The following C12orf50 variants were observed in gnomAD, a reference collection of about 807,000 sequenced individuals.
The protein encoded by C12orf50 is zinc finger CCCH-type containing 11D, also known as uncharacterized protein C12orf50.
C12orf50 carries 35 observed loss-of-function variants against 61.6 expected under a neutral mutation model. The ratio of observed to expected loss-of-function variants is 0.57; its 90% CI spans 0.43 to 0.75. The LOEUF (loss-of-function observed/expected upper bound fraction) is 0.75, where lower values mean the gene tolerates loss of function less well. Ranked by LOEUF, C12orf50 falls within the 30% of genes least tolerant of loss-of-function variation. The pLI, the probability that C12orf50 is intolerant of heterozygous loss-of-function variation, is 0.00. For synonymous variants in C12orf50, 178 were observed against 161.5 expected (o/e 1.10, Z -0.77); for missense variants, 475 against 488.5 (o/e 0.97, Z 0.26).
intron 3 of C12orf50, among the ~76,000 whole-genome samples, chr12:88,010,151 C>G (rs2032041678): frequency 6.6e-6 from 1 of 151,998 alleles, no homozygotes; most frequent in Non-Finnish European, 1.5e-5. Context: ...AGGTCTGTTT[C>G]CATCTACTCT....
In C12orf50 at chr12:87,980,210, G is replaced by A; in HGVS notation, c.*121C>T. The A allele has an allele frequency of 1.1e-6, 1 of 944,444 alleles. No individual in the cohort carries two copies. The highest frequency in any genetic ancestry group is 1.6e-6 in the Non-Finnish European group (1 of 607,158). The allele number at this position is 944,444 out of a possible 1,614,324, so 58.5% of individuals were successfully genotyped here. A position where few individuals can be genotyped will look rare whatever the true frequency, so the allele number is the denominator to read the frequency against. On this transcript the variant is annotated 3_prime_UTR_variant, in exon 13 of 13. Coordinates refer to ENST00000298699, the MANE Select transcript of C12orf50 (RefSeq NM_152589.3). ...CAGAATTTGCATTTTTATCATCTTT[G>A]GCTATCCACTACATAACATGGAGTA... is the stretch of plus-strand genomic sequence containing the variant.
At position 87,980,361 on chromosome 12, in the gene C12orf50, T is replaced by C; in HGVS notation, c.1220-5A>G. 1 of 1,604,990 alleles carries C rather than the reference T, an allele frequency of 6.2e-7. No individual in the cohort carries two copies. Among genetic ancestry groups the C allele is most frequent in the Non-Finnish European group, 8.5e-7 (1 of 1,172,874 alleles). On this transcript the variant is annotated splice_region_variant and splice_polypyrimidine_tract_variant and intron_variant, in intron 12 of 12. Coordinates refer to ENST00000298699, the MANE Select transcript of C12orf50 (RefSeq NM_152589.3). ...TGCTCCCATTTCTTCTTGGCTCTAATAATAAAATACACAAAATATTTCAAT... is the reference window on the plus strand; with the variant it reads ...TGCTCCCATTTCTTCTTGGCTCTAACAATAAAATACACAAAATATTTCAAT...
At chr12:87,997,975 T>C (rs1483328099) in intron 4 of C12orf50, 60 bp downstream of exon 4, 5 of 1,371,002 alleles carry the variant, frequency 3.6e-6, no homozygotes, top group Non-Finnish European at 5.0e-6. Context: ...GTTAAACACA[T>C]ATGTAAAAAA....
chr12:87,981,932 G>A (rs2030497261), intron 12 of C12orf50, among the ~76,000 whole-genome samples: 1 of 152,092 alleles, frequency 6.6e-6, no homozygotes, highest in South Asian at 2.1e-4. Context: ...ATACCTCTAT[G>A]CATTGATTCA....
chr12:87,986,213 C>T (rs889116181), intron 10 of C12orf50, 99 bp downstream of exon 10: 25 of 1,217,324 alleles, frequency 2.1e-5, no homozygotes, highest in South Asian at 3.0e-5. Flanking sequence ...GTAACATTTA[C>T]GTCACATGAC....
chr12:87,989,372 C>T lies in C12orf50; in HGVS notation c.593-1G>A, dbSNP rs1655042345. On this transcript the variant is annotated splice_acceptor_variant, in intron 7 of 12. Coordinates refer to ENST00000298699, the MANE Select transcript of C12orf50 (RefSeq NM_152589.3). LOFTEE classifies it high-confidence loss of function. ...CTCTGTGGAACATAACAGTCACCTCCTATGACAAAACCTTACTGTCAGTGG... is the reference window on the plus strand; with the variant it reads ...CTCTGTGGAACATAACAGTCACCTCTTATGACAAAACCTTACTGTCAGTGG... 6.2e-7 allele frequency: 1 copy of T among 1,607,192 alleles called. No individual in the cohort carries two copies. The highest frequency in any genetic ancestry group is 8.5e-7 in the Non-Finnish European group (1 of 1,175,094).
At chr12:87,986,119 T>C in intron 10 of C12orf50, 66 bp from the exon 11 acceptor site, 1 of 1,511,248 alleles carries the variant, frequency 6.6e-7, no homozygotes, top group Non-Finnish European at 9.2e-7. Context: ...AAATAACATA[T>C]TGCACTGCAA....
At chr12:88,005,298 T>G (rs1377099743) in intron 3 of C12orf50, among the ~76,000 whole-genome samples, 1 of 152,216 alleles carries the variant, frequency 6.6e-6, no homozygotes, top group African/African-American at 2.4e-5. Flanking sequence ...AAAATTTATT[T>G]TCTCCCACAA....
chr12:88,026,875 GT>G lies in C12orf50; in HGVS notation c.12+75del. 4.6e-6 allele frequency: 7 copies of G among 1,536,928 alleles called. No individual in the cohort carries two copies. In the South Asian group the frequency reaches 7.6e-5, roughly 17 times the overall value. Reference sequence around the variant, plus strand: ...AAGGAAGAATGATTTCTTCCATATTGTTTTGAAAAAGTATAATTCAGCATTA... The same window carrying G: ...AAGGAAGAATGATTTCTTCCATATTGTTTGAAAAAGTATAATTCAGCATTA... On this transcript the variant is annotated intron_variant, in intron 2 of 12. Coordinates refer to ENST00000298699, the MANE Select transcript of C12orf50 (RefSeq NM_152589.3).
intron 8 of C12orf50, 126 bp from the exon 9 acceptor site, chr12:87,988,092 G>T (rs1287846365): frequency 4.5e-6 from 2 of 445,834 alleles, no homozygotes; most frequent in Admixed American, 8.3e-5. Context: ...ATATATTTAT[G>T]AATTGAGAGA....
chr12:87,990,772 T>A (rs2031082526), intron 7 of C12orf50, among the ~76,000 whole-genome samples: 1 of 152,104 alleles, frequency 6.6e-6, no homozygotes, highest in Non-Finnish European at 1.5e-5. Context: ...ACTATCTAAT[T>A]GGTTTGAAAT....
chr12:87,987,081 C>T (rs2030864448), intron 9 of C12orf50, among the ~76,000 whole-genome samples: 1 of 152,116 alleles, frequency 6.6e-6, no homozygotes, highest in South Asian at 2.1e-4. Flanking sequence ...GTGCAAGGCT[C>T]CTGAAAATTC....
At chr12:88,002,879 T>C (rs1380803343) in intron 3 of C12orf50, among the ~76,000 whole-genome samples, 1 of 151,780 alleles carries the variant, frequency 6.6e-6, no homozygotes, top group Non-Finnish European at 1.5e-5. Context: ...ATATGCTTCT[T>C]AACATCAGAA....
At chr12:87,989,812 A>G (rs2031033913) in intron 7 of C12orf50, among the ~76,000 whole-genome samples, 1 of 152,102 alleles carries the variant, frequency 6.6e-6, no homozygotes, top group Non-Finnish European at 1.5e-5. Flanking sequence ...TCTTCACCAT[A>G]CATTACCTTT....
chr12:88,027,797 G>A (rs2136510850), intron 1 of C12orf50: 1 of 152,232 alleles, frequency 6.6e-6, no homozygotes, highest in Middle Eastern at 3.4e-3. Flanking sequence ...TGTTGTGTGG[G>A]AAGAGAGGTG....
intron 7 of C12orf50, among the ~76,000 whole-genome samples, chr12:87,991,898 T>G (rs768818462): frequency 2.8e-4 from 42 of 152,188 alleles, no homozygotes; most frequent in Non-Finnish European, 4.0e-4. Context: ...CATGCATTGT[T>G]TTTATGTTTG....
intron 9 of C12orf50, 22 bp downstream of exon 9, chr12:87,987,828 A>G (rs760748752): frequency 1.2e-4 from 181 of 1,464,518 alleles, no homozygotes; most frequent in Non-Finnish European, 1.6e-4. Context: ...GAGGCCAAAA[A>G]GTGATAGAGC....
intron 1 of C12orf50, among the ~76,000 whole-genome samples, chr12:88,028,504 C>A (rs1447503564): frequency 6.6e-6 from 1 of 152,052 alleles, no homozygotes; most frequent in Non-Finnish European, 1.5e-5. Flanking sequence ...TCCCATTTAA[C>A]TTTATAAAGT....
intron 3 of C12orf50, among the ~76,000 whole-genome samples, chr12:88,021,033 C>A (rs1365069614): frequency 6.6e-6 from 1 of 152,026 alleles, no homozygotes; most frequent in Non-Finnish European, 1.5e-5. Context: ...ATACAGCTAA[C>A]TCAGTATTAA....
Sources: allele counts gnomAD v4.1 joint callset (sites outside exome capture counted in the v4.1 genomes callset), GRCh38; gene constraint gnomAD v4.1.1; transcripts MANE v1.5; gene names NCBI Gene and HGNC (gene_info 2026-07-23, HGNC 2026-07-21).